Variants in RPH3A observed in about 807,000 individuals in gnomAD.
RPH3A encodes rabphilin 3A.
In RPH3A, 48 loss-of-function variants were observed where a neutral mutation model predicts 102.2. That is an observed-to-expected ratio of 0.47 (90% CI 0.37 to 0.60). RPH3A has a LOEUF of 0.60. RPH3A is among the 20% of genes least tolerant of loss of function. RPH3A has a pLI of 0.00. For missense variants in RPH3A, 781 were observed against 910.1 expected (o/e 0.86, Z 1.83); for synonymous variants, 310 against 324.3 (o/e 0.96, Z 0.47).
chr12:112,836,403 G>T, intron 3 of RPH3A, 88 bp from the exon 4 acceptor site: 1 of 675,134 alleles, frequency 1.5e-6, no homozygotes, highest in Non-Finnish European at 2.4e-6. Context: ...CTACGTGAGT[G>T]TTGCATCCAG....
chr12:112,732,485 C>G (rs2040641594), intron 1 of RPH3A, among the ~76,000 whole-genome samples: 1 of 152,174 alleles, frequency 6.6e-6, no homozygotes, highest in African/African-American at 2.4e-5. Flanking sequence ...TGTGAATGCT[C>G]TGGGCACCCT....
intron 1 of RPH3A, among the ~76,000 whole-genome samples, chr12:112,640,022 A>G (rs2039875515): frequency 6.6e-6 from 1 of 152,022 alleles, no homozygotes; most frequent in Admixed American, 6.6e-5. Context: ...GCCGGGGTTC[A>G]AAGCAGGGCT....
At chr12:112,719,316 C>T (rs1443786470) in intron 1 of RPH3A, among the ~76,000 whole-genome samples, 2 of 152,140 alleles carry the variant, frequency 1.3e-5, no homozygotes, top group Non-Finnish European at 2.9e-5. Context: ...ATAAAGGACC[C>T]ATTATCAAAC....
chr12:112,684,280 A>G (rs2040247486), intron 1 of RPH3A, among the ~76,000 whole-genome samples: 1 of 152,126 alleles, frequency 6.6e-6, no homozygotes, highest in African/African-American at 2.4e-5. Context: ...TTTTTTTGAG[A>G]CAGGGTCTCA....
intron 1 of RPH3A, among the ~76,000 whole-genome samples, chr12:112,620,507 TG>T (rs1422024441): frequency 6.6e-6 from 1 of 152,198 alleles, no homozygotes; most frequent in Non-Finnish European, 1.5e-5. Context: ...CACCTACATT[TG>T]ACTTAAAGTG....
At chr12:112,854,108 G>A (rs139840613) in intron 5 of RPH3A, among the ~76,000 whole-genome samples, 32 of 152,292 alleles carry the variant, frequency 2.1e-4, no homozygotes, top group African/African-American at 7.5e-4. Flanking sequence ...ATAATTCTTT[G>A]TGTGGGGGCT....
chr12:112,787,982 C>G (rs1005844723), upstream of RPH3A, among the ~76,000 whole-genome samples: 1 of 152,210 alleles, frequency 6.6e-6, no homozygotes. Context: ...AATGAAGCCT[C>G]GAGAGAGTCA....
chr12:112,802,771 G>C (rs947607243), intron 2 of RPH3A, among the ~76,000 whole-genome samples: 1 of 151,898 alleles, frequency 6.6e-6, no homozygotes, highest in Non-Finnish European at 1.5e-5. Flanking sequence ...CATCACCTCT[G>C]TCCATTCCCC....
upstream of RPH3A, among the ~76,000 whole-genome samples, chr12:112,789,196 T>C (rs1377499975): frequency 6.6e-6 from 1 of 152,176 alleles, no homozygotes; most frequent in African/African-American, 2.4e-5. Flanking sequence ...GGGTTTCCTA[T>C]GTGCCTGGGA....
chr12:112,824,374 G>T (rs987992208), intron 2 of RPH3A, among the ~76,000 whole-genome samples: 8 of 152,292 alleles, frequency 5.3e-5, no homozygotes, highest in African/African-American at 1.9e-4. Flanking sequence ...GCTGCTATGA[G>T]CCCTTAGTGT....
chr12:112,836,073 C>T (rs960249537), intron 3 of RPH3A, among the ~76,000 whole-genome samples: 6 of 152,184 alleles, frequency 3.9e-5, no homozygotes, highest in Admixed American at 3.9e-4. Context: ...ACTTGCCTCC[C>T]CAAACTGGGG....
At position 112,869,796 on chromosome 12, in the gene RPH3A, A is replaced by G; in HGVS notation, c.648A>G (p.Thr216=). 6.2e-7 allele frequency: 1 copy of G among 1,614,200 alleles called. No homozygotes were observed. Among genetic ancestry groups the G allele is most frequent in the South Asian group, 1.1e-5 (1 of 91,076 alleles). Reference sequence around the variant, plus strand: ...ATAGGAGGGGCCCGGGTCAGAAGACAGGTGGGTTCTGCTGACTCTGTTTTG... The same window carrying G: ...ATAGGAGGGGCCCGGGTCAGAAGACGGGTGGGTTCTGCTGACTCTGTTTTG... ...SEDRRGPGQK[T]GPDPASAPGR... is the part of the protein sequence containing the mutation. Residue 216 remains threonine, a splice_region_variant and synonymous_variant, in exon 9 of 22, where the codon ACA becomes ACG. Transcript: ENST00000389385.
At chr12:112,867,171 A>G (rs747084193) in intron 7 of RPH3A, among the ~76,000 whole-genome samples, 4 of 139,628 alleles carry the variant, frequency 2.9e-5, no homozygotes, top group Non-Finnish European at 6.3e-5. Flanking sequence ...ATTTCCTCAC[A>G]CTCTCCTCTT....
intron 1 of RPH3A, among the ~76,000 whole-genome samples, chr12:112,599,181 A>C (rs934320606): frequency 1.3e-5 from 2 of 152,174 alleles, no homozygotes; most frequent in African/African-American, 4.8e-5. Flanking sequence ...AGCAAGACCA[A>C]GTTAACTTTC....
At chr12:112,576,269 TCG>T (rs1175050172) in intron 1 of RPH3A, among the ~76,000 whole-genome samples, 1 of 152,064 alleles carries the variant, frequency 6.6e-6, no homozygotes, top group Non-Finnish European at 1.5e-5. Flanking sequence ...GCTGTGGGGG[TCG>T]CCAGGAGCGC....
chr12:112,883,951 G>A (rs192209162), intron 16 of RPH3A, among the ~76,000 whole-genome samples: 8 of 152,242 alleles, frequency 5.3e-5, no homozygotes, highest in Admixed American at 5.2e-4. Context: ...ATTACAAATA[G>A]TGCTGCTAGG....
At chr12:112,599,344 G>T (rs562307723) in intron 1 of RPH3A, among the ~76,000 whole-genome samples, 1 of 152,246 alleles carries the variant, frequency 6.6e-6, no homozygotes, top group South Asian at 2.1e-4. Context: ...CCATAAAACT[G>T]AATTTAAATT....
chr12:112,669,440 T>C (rs1271926004), intron 1 of RPH3A, among the ~76,000 whole-genome samples: 1 of 152,248 alleles, frequency 6.6e-6, no homozygotes, highest in Non-Finnish European at 1.5e-5. Flanking sequence ...ATCAATACAC[T>C]GTCATCTGCT....
At chr12:112,777,990 A>G (rs143372213) in intron 1 of RPH3A, among the ~76,000 whole-genome samples, 75 of 152,332 alleles carry the variant, frequency 4.9e-4, no homozygotes, top group African/African-American at 1.7e-3. Context: ...CTTCTCTTCC[A>G]TATGGGAGGC....
Sources: allele counts gnomAD v4.1 joint callset (sites outside exome capture counted in the v4.1 genomes callset), GRCh38; gene constraint gnomAD v4.1.1; transcripts MANE v1.5; gene names NCBI Gene and HGNC (gene_info 2026-07-23, HGNC 2026-07-21).